Variants in CSMD2 observed in about 807,000 individuals in gnomAD.
CSMD2 encodes CUB and Sushi multiple domains 2.
CSMD2 carries 130 observed loss-of-function variants against 398.5 expected under a neutral mutation model. The observed-to-expected ratio is 0.33, with a 90% CI of 0.28 to 0.38. The LOEUF is 0.38. Ranked by LOEUF, CSMD2 falls within the 10% of genes least tolerant of loss-of-function variation. CSMD2 has a pLI of 1.00. For missense variants in CSMD2, 3,829 were observed against 4,764.9 expected, an observed-to-expected ratio of 0.80 and a Z score of 5.78; for synonymous variants, 1,828 against 1,908.5, an observed-to-expected ratio of 0.96 and a Z score of 1.10.
intron 3 of CSMD2, among the ~76,000 whole-genome samples, chr1:34,009,546 C>T (rs1647178202): frequency 6.6e-6 from 1 of 151,980 alleles, no homozygotes; most frequent in African/African-American, 2.4e-5. Context: ...GTGATGGTCC[C>T]TCCATGTAAG....
At chr1:33,891,222 T>C (rs1339566377) in intron 5 of CSMD2, among the ~76,000 whole-genome samples, 5 of 148,178 alleles carry the variant, frequency 3.4e-5, no homozygotes, top group South Asian at 2.1e-4. Flanking sequence ...AACAACCCCA[T>C]CAAAAAGTGG....
intron 13 of CSMD2, among the ~76,000 whole-genome samples, chr1:33,756,576 G>A (rs1569757804): frequency 6.6e-6 from 1 of 152,342 alleles, no homozygotes; most frequent in African/African-American, 2.4e-5. Flanking sequence ...AATTACAAGG[G>A]CAAAGGCCCT....
chr1:33,832,127 C>T (rs1349019320), intron 6 of CSMD2, among the ~76,000 whole-genome samples: 6 of 125,336 alleles, frequency 4.8e-5, no homozygotes, highest in African/African-American at 6.6e-5. Context: ...AACAAGGATA[C>T]CCAGGAATTG....
intron 52 of CSMD2, 25 bp downstream of exon 52, chr1:33,569,349 G>A: frequency 6.2e-7 from 1 of 1,603,104 alleles, no homozygotes; most frequent in South Asian, 1.1e-5. Context: ...AAACTGGGCA[G>A]GATAGGCCTG....
intron 60 of CSMD2, among the ~76,000 whole-genome samples, chr1:33,539,801 A>T (rs1421218588): frequency 1.3e-5 from 2 of 152,178 alleles, no homozygotes; most frequent in East Asian, 1.9e-4. Flanking sequence ...GTAACATTGC[A>T]CCAAATACCT....
chr1:33,718,895 A>T (rs1475712322), intron 19 of CSMD2, among the ~76,000 whole-genome samples: 1 of 152,198 alleles, frequency 6.6e-6, no homozygotes, highest in Non-Finnish European at 1.5e-5. Flanking sequence ...ACAGAACCCA[A>T]CAGAAGCGAT....
At chr1:33,864,315 T>C (rs553564988) in intron 5 of CSMD2, 1 of 1,613,900 alleles carries the variant, frequency 6.2e-7, no homozygotes, top group South Asian at 1.1e-5. Flanking sequence ...TAAAGAGTTC[T>C]CTAGAAAGTG....
At chr1:34,001,486 G>A (rs1014283587) in intron 3 of CSMD2, among the ~76,000 whole-genome samples, 1 of 152,142 alleles carries the variant, frequency 6.6e-6, no homozygotes, top group African/African-American at 2.4e-5. Flanking sequence ...CAAGCCATTC[G>A]AGCTCCGAGG....
intron 13 of CSMD2, among the ~76,000 whole-genome samples, chr1:33,760,510 A>G (rs960195661): frequency 6.6e-6 from 1 of 152,206 alleles, no homozygotes; most frequent in Non-Finnish European, 1.5e-5. Flanking sequence ...ACCATGCCAA[A>G]GTTGGAGCAA....
Position 33,663,026 on chromosome 1 carries a change from C to T in CSMD2, c.4119G>A (p.Val1373=), listed in dbSNP as rs961820864. The T allele has an allele frequency of 7.4e-6, 12 of 1,614,102 alleles. No homozygotes were observed. The highest frequency in any genetic ancestry group is 1.0e-5 in the Non-Finnish European group (12 of 1,180,038). ...GCTCCTTCAGCAGAACCCCGCTCTC[C>T]ACAGGCCCATCCCAGATGCGCAGCA... ...HDVLRIWDGP[V]ESGVLLKELS... The change falls in exon 26 of 71, where the codon GTG becomes GTA. Residue 1373 remains valine (V), a synonymous_variant. Coordinates refer to ENST00000373381, the MANE Select transcript of CSMD2 (RefSeq NM_001281956.2).
At chr1:34,039,187 C>G (rs1322673644) in intron 2 of CSMD2, among the ~76,000 whole-genome samples, 1 of 152,178 alleles carries the variant, frequency 6.6e-6, no homozygotes, top group Admixed American at 6.5e-5. Flanking sequence ...AGTGGAACAG[C>G]ACCTCCCACC....
chr1:33,530,200 G>A (rs770069798), intron 64 of CSMD2, among the ~76,000 whole-genome samples: 4 of 151,752 alleles, frequency 2.6e-5, no homozygotes, highest in Non-Finnish European at 5.9e-5. Context: ...TCTGGTAAGA[G>A]ATTAACATCT....
Position 33,617,585 on chromosome 1 carries a change from C to G in CSMD2, c.5860G>C (p.Val1954Leu). 1.2e-6 allele frequency: 2 copies of G among 1,614,108 alleles called. No homozygotes were observed. Among genetic ancestry groups the G allele is most frequent in the Non-Finnish European group, 1.7e-6 (2 of 1,179,998 alleles). Residue 1954 changes from valine to leucine, a missense_variant, in exon 38 of 71, where the codon GTG becomes CTG. By Grantham distance (32) the Val-to-Leu change is conservative. Transcript: ENST00000373381. ...CCAGTCTTCACCCCGTTACTGGGCA[C>G]AGCAGGTTCCGGACAACTGCTCAGG... ...VGLSSCPEPA[V>L]PSNGVKTGER... is the part of the protein sequence containing the mutation.
intron 1 of CSMD2, among the ~76,000 whole-genome samples, chr1:34,089,949 T>A (rs1229200899): frequency 2.0e-5 from 3 of 152,180 alleles, no homozygotes; most frequent in African/African-American, 7.2e-5. Flanking sequence ...ACAATCTGTC[T>A]ATACTTTCTG....
At chr1:33,726,525 C>G in intron 16 of CSMD2, 22 bp downstream of exon 16, 1 of 1,599,504 alleles carries the variant, frequency 6.3e-7, no homozygotes, top group Non-Finnish European at 8.5e-7. Context: ...GCCCTCTCCC[C>G]CAAGGCTGTG....
intron 25 of CSMD2, among the ~76,000 whole-genome samples, chr1:33,679,199 G>GTT (rs58284803): frequency 1.9e-4 from 16 of 84,136 alleles, no homozygotes; most frequent in African/African-American, 2.6e-4. Context: ...AATTGCAGTT[G>GTT]TTTTTTTTTT....
rs1261930450 is a variant in CSMD2 at position 33,515,514 on chromosome 1, T to C, written c.*1110A>G. The stretch of plus-strand genomic sequence containing the variant: ...GGGGCAGACTGATCTGGGTTTGCAT[T>C]CTGACTCCACACTTCCTAACTCTGT... On this transcript the variant is annotated 3_prime_UTR_variant, in exon 71 of 71. Coordinates refer to ENST00000373381, the MANE Select transcript of CSMD2 (RefSeq NM_001281956.2). 1 of 152,252 alleles carries C rather than the reference T, an allele frequency of 6.6e-6. No individual in the cohort carries two copies. The highest frequency in any genetic ancestry group is 1.5e-5 in the Non-Finnish European group (1 of 68,066). The allele number at this position is 152,252 out of a possible 1,614,324, so 9.4% of individuals were successfully genotyped here.
intron 5 of CSMD2, among the ~76,000 whole-genome samples, chr1:33,895,739 C>T (rs762771667): frequency 3.6e-4 from 55 of 152,238 alleles, no homozygotes; most frequent in African/African-American, 1.1e-3. Flanking sequence ...GCATCTCATC[C>T]GGGTCCCTAG....
intron 13 of CSMD2, among the ~76,000 whole-genome samples, chr1:33,752,723 T>G (rs1276675457): frequency 6.6e-6 from 1 of 152,174 alleles, no homozygotes; most frequent in Non-Finnish European, 1.5e-5. Context: ...GGAGAGTTTG[T>G]AATTTCTTAG....
Sources: gnomAD v4.1 joint callset for allele counts (sites outside exome capture counted in the v4.1 genomes callset) on GRCh38, gnomAD v4.1.1 for gene constraint, MANE v1.5 for transcripts, NCBI Gene and HGNC (gene_info 2026-07-23, HGNC 2026-07-21) for gene names.